The following DLEC1 variants were observed in gnomAD, a reference collection of about 807,000 sequenced individuals.
DLEC1 encodes deleted in lung and esophageal cancer protein 1.
Under a neutral mutation model 198.1 loss-of-function variants are expected in DLEC1, and 146 were observed. That is an observed-to-expected ratio of 0.74 (90% CI 0.64 to 0.85). DLEC1 has a LOEUF of 0.85. DLEC1 is among the 40% of genes least tolerant of loss of function. DLEC1 has a pLI of 0.00. For missense variants in DLEC1, 2,233 were observed against 2,220.0 expected (o/e 1.01, Z -0.12); for synonymous variants, 897 against 866.8 (o/e 1.03, Z -0.61).
intron 6 of DLEC1, among the ~76,000 whole-genome samples, chr3:38,076,277 G>T (rs1271277583): frequency 6.6e-6 from 1 of 152,168 alleles, no homozygotes. Context: ...AGGACCTGAG[G>T]TCGTAGGTGG....
rs1700558353 is a variant in DLEC1, at chr3:38,122,772, C to T, written c.*360C>T. The T allele has an allele frequency of 8.3e-7, 1 of 1,205,088 alleles. No individual in the cohort carries two copies. Among genetic ancestry groups the T allele is most frequent in the African/African-American group, 1.5e-5 (1 of 65,102 alleles). The allele number at this position is 1,205,088 out of a possible 1,614,324, so 74.6% of individuals were successfully genotyped here. ...CTTCTCATCCATGGATTTGCCTTGC[C>T]TTAAGAATTAACCATGGCCTTGTGG... On this transcript the variant is annotated 3_prime_UTR_variant, in exon 37 of 37. Coordinates refer to ENST00000308059, the MANE Select transcript of DLEC1 (RefSeq NM_007335.4).
intron 9 of DLEC1, among the ~76,000 whole-genome samples, chr3:38,086,940 G>C (rs1034393627): frequency 6.6e-6 from 1 of 152,036 alleles, no homozygotes; most frequent in African/African-American, 2.4e-5. Context: ...CGGGTGTGGT[G>C]GCATGTGCCT....
At chr3:38,103,477 C>T (rs1216046239) in intron 19 of DLEC1, 1 of 152,222 alleles carries the variant, frequency 6.6e-6, no homozygotes, top group African/African-American at 2.4e-5. Context: ...TTTCTTTCTC[C>T]TATTTTCTTT....
At position 38,117,076 on chromosome 3, in the gene DLEC1, G is replaced by C. The variant is rs1700215001; in HGVS notation, c.4281G>C (p.Leu1427=). 5 of 1,614,104 alleles carry C rather than the reference G, an allele frequency of 3.1e-6. No homozygotes were observed. Among genetic ancestry groups the C allele is most frequent in the Non-Finnish European group, 4.2e-6 (5 of 1,179,980 alleles). ...AGGTGGAGTGTACTGGCTACGCCCT[G>C]GGTTTCATGAGCTTGGACAGCAAGG... is the stretch of plus-strand genomic sequence containing the variant. ...LHKVECTGYA[L]GFMSLDSKVE... is the part of the protein sequence containing the mutation. Residue 1427 remains leucine, a synonymous_variant, in exon 30 of 37, where the codon CTG becomes CTC. Transcript: ENST00000308059.
At chr3:38,082,156 T>G in intron 6 of DLEC1, among the ~76,000 whole-genome samples, 1 of 134,520 alleles carries the variant, frequency 7.4e-6, no homozygotes, top group Non-Finnish European at 1.6e-5. Context: ...ACATCCCAGA[T>G]GGGGCGGCGG....
intron 10 of DLEC1, among the ~76,000 whole-genome samples, chr3:38,090,899 AATCTTATTAC>A: frequency 6.6e-6 from 1 of 152,140 alleles, no homozygotes; most frequent in African/African-American, 2.4e-5. Context: ...ACCCTTGGCC[AATCTTATTAC>A]ATCTATACCC....
At chr3:38,070,613 G>T (rs982222176) in intron 6 of DLEC1, among the ~76,000 whole-genome samples, 1 of 152,206 alleles carries the variant, frequency 6.6e-6, no homozygotes, top group Non-Finnish European at 1.5e-5. Context: ...AAGAGATGGG[G>T]TGGGTCCATT....
At chr3:38,095,732 A>T in intron 13 of DLEC1, 156 bp from the exon 14 acceptor site, 1 of 818,588 alleles carries the variant, frequency 1.2e-6, no homozygotes, top group South Asian at 1.7e-5. Context: ...TTTCCTAAGG[A>T]GGGGAGGAGG....
At position 38,122,132 on chromosome 3, in the gene DLEC1, AGAAGCAC is replaced by A. The variant is rs1169171083; in HGVS notation, c.5085_5091del (p.Glu1695AspfsTer124). On this transcript the variant is annotated frameshift_variant, in exon 36 of 37. Coordinates refer to ENST00000308059, the MANE Select transcript of DLEC1 (RefSeq NM_007335.4). LOFTEE classifies it high-confidence loss of function. The stretch of plus-strand genomic sequence containing the variant: ...GGGTCTCCCCAAACAGTGGGCTGCT[AGAAGCAC>A]GATCCGCCAATGCACCCCCAACCTC... 1.9e-6 allele frequency: 3 copies of A among 1,614,016 alleles called. No homozygotes were observed. Among genetic ancestry groups the A allele is most frequent in the Non-Finnish European group, 2.5e-6 (3 of 1,179,990 alleles).
chr3:38,104,262 G>C (rs576496690), intron 19 of DLEC1, among the ~76,000 whole-genome samples: 1 of 152,138 alleles, frequency 6.6e-6, no homozygotes, highest in Non-Finnish European at 1.5e-5. Context: ...TACGAGACCA[G>C]GCTAGCCAAC....
chr3:38,089,223 C>A (rs767999016), intron 10 of DLEC1, among the ~76,000 whole-genome samples: 27 of 152,330 alleles, frequency 1.8e-4, no homozygotes, highest in Middle Eastern at 6.8e-3. Context: ...CTGCACATTG[C>A]AATCACCTGA....
At chr3:38,053,143 C>G (rs1047900997) in intron 2 of DLEC1, among the ~76,000 whole-genome samples, 3 of 152,192 alleles carry the variant, frequency 2.0e-5, no homozygotes, top group African/African-American at 4.8e-5. Flanking sequence ...CTCGCTACAA[C>G]CTCCACCTCC....
chr3:38,067,789 A>G (rs374967400), intron 6 of DLEC1, among the ~76,000 whole-genome samples: 4 of 123,382 alleles, frequency 3.2e-5, no homozygotes, highest in African/African-American at 9.6e-5. Flanking sequence ...ATCTTGCTCT[A>G]TTACCCAAGC....
chr3:38,073,641 A>G (rs1352431509), intron 6 of DLEC1, among the ~76,000 whole-genome samples: 1 of 152,120 alleles, frequency 6.6e-6, no homozygotes, highest in Admixed American at 6.5e-5. Flanking sequence ...TAATAAGGGA[A>G]CTGGGCAGGT....
chr3:38,084,797 C>T (rs1698354759), intron 7 of DLEC1, among the ~76,000 whole-genome samples: 1 of 151,882 alleles, frequency 6.6e-6, no homozygotes, highest in African/African-American at 2.4e-5. Context: ...CTCCTGACCG[C>T]CTCCACCCAG....
chr3:38,063,996 C>CTTT (rs375420632), intron 6 of DLEC1, 77 bp downstream of exon 6: 3 of 562,824 alleles, frequency 5.3e-6, no homozygotes, highest in African/African-American at 2.7e-5. Context: ...TGGAAATTTT[C>CTTT]TTTTTTTTTT....
chr3:38,115,939 G>A (rs1247579822), intron 27 of DLEC1, among the ~76,000 whole-genome samples: 2 of 152,102 alleles, frequency 1.3e-5, no homozygotes, highest in Non-Finnish European at 2.9e-5. Flanking sequence ...GTACTCAGAG[G>A]GACGGCACAG....
At chr3:38,072,037 C>T (rs978769147) in intron 6 of DLEC1, among the ~76,000 whole-genome samples, 2 of 151,992 alleles carry the variant, frequency 1.3e-5, no homozygotes, top group Non-Finnish European at 2.9e-5. Context: ...GAACTGCCAT[C>T]AATAAACCAA....
In DLEC1 at chr3:38,110,187, A is replaced by C. The variant is rs1559456771; in HGVS notation, c.3349A>C (p.Ile1117Leu). Residue 1117 changes from isoleucine to leucine, a missense_variant, in exon 23 of 37, where the codon ATT becomes CTT. Coordinates refer to ENST00000308059, the MANE Select transcript of DLEC1 (RefSeq NM_007335.4). Reference sequence around the variant, plus strand: ...GAGGACCCGTGTGACTCGCCAGCTCATTCTCACCAATCGCTCCCCAATACG... The same window carrying C: ...GAGGACCCGTGTGACTCGCCAGCTCCTTCTCACCAATCGCTCCCCAATACG... ...PLRTRVTRQL[I>L]LTNRSPIRTR... is the part of the protein sequence containing the mutation. 5 of 1,614,206 alleles carry C rather than the reference A, an allele frequency of 3.1e-6. No individual in the cohort carries two copies. Among genetic ancestry groups the C allele is most frequent in the Non-Finnish European group, 4.2e-6 (5 of 1,180,032 alleles).
Sources: gnomAD v4.1 joint callset for allele counts (sites outside exome capture counted in the v4.1 genomes callset) on GRCh38, gnomAD v4.1.1 for gene constraint, MANE v1.5 for transcripts, NCBI Gene and HGNC (gene_info 2026-07-23, HGNC 2026-07-21) for gene names.